EMX1: variants seen among roughly 807,000 people sequenced by gnomAD.
EMX1 encodes homeobox protein EMX1.
EMX1 carries 10 observed loss-of-function variants against 20.1 expected under a neutral mutation model. The observed-to-expected ratio is 0.50, with a 90% CI of 0.31 to 0.84. EMX1 has a LOEUF of 0.84. EMX1 is among the 40% of genes least tolerant of loss of function. The pLI is 0.05. For missense variants in EMX1, 424 were observed against 431.9 expected (o/e 0.98, Z 0.16); for synonymous variants, 250 against 200.4 (o/e 1.25, Z -2.09).
intron 2 of EMX1, chr2:72,925,773 C>G: frequency 1.0e-6 from 1 of 985,368 alleles, no homozygotes; most frequent in Non-Finnish European, 1.2e-6. Context: ...CGGACCTTAC[C>G]CTCTCCTCCT....
Position 72,928,478 on chromosome 2 carries a change from A to T in EMX1, c.705+3985A>T, listed in dbSNP as rs889159454. On this transcript the variant is annotated intron_variant, in intron 2 of 2. Coordinates refer to ENST00000258106, the MANE Select transcript of EMX1 (RefSeq NM_004097.3). The stretch of plus-strand genomic sequence containing the variant: ...TCATATGACATGGAGTGCAGCTTGC[A>T]TGCTTTTGTGTGTGTTCGTGTGTGT... Among the ~76,000 whole-genome samples, 16 of 152,114 alleles carry T rather than the reference A, an allele frequency of 1.1e-4. 1 individual carries two copies. Among genetic ancestry groups the T allele is most frequent in the Admixed American group, 3.9e-4 (6 of 15,272 alleles).
At position 72,918,327 on chromosome 2, in the gene EMX1, T is replaced by C. The variant is rs781570857; in HGVS notation, c.475T>C (p.Tyr159His). ...CCAGCACCGGGACCCTCTCCATTTC[T>C]ACCCCTGGGTCCTGCGGAACCGCTT... ...GAQHRDPLHF[Y>H]PWVLRNRFFG... The change falls in exon 1 of 3, where the codon TAC becomes CAC. Residue 159 changes from tyrosine to histidine, a missense_variant. Transcript: ENST00000258106. 2.6e-6 allele frequency: 4 copies of C among 1,550,602 alleles called. No individual in the cohort carries two copies. Among genetic ancestry groups the C allele is most frequent in the Non-Finnish European group, 2.6e-6 (3 of 1,159,972 alleles).
Position 72,917,562 on chromosome 2 carries a change from A to C in EMX1, c.-291A>C. The C allele has an allele frequency of 5.1e-6, 1 of 195,438 alleles. No homozygotes were observed. Among genetic ancestry groups the C allele is most frequent in the Non-Finnish European group, 1.0e-5 (1 of 97,436 alleles). 12.1% of individuals were successfully genotyped at this position (195,438 alleles called of 1,614,324 possible). A position where few individuals can be genotyped will look rare whatever the true frequency, so the allele number is the denominator to read the frequency against. On this transcript the variant is annotated 5_prime_UTR_variant, in exon 1 of 3. Coordinates refer to ENST00000258106, the MANE Select transcript of EMX1 (RefSeq NM_004097.3). ...CTGGGCGGCCGGGGCTGGGCAGGGC[A>C]GTGCGGGGACACCGGGGGCTGGGGT...
chr2:72,922,258 A>G (rs984474174), intron 1 of EMX1, among the ~76,000 whole-genome samples: 3 of 152,236 alleles, frequency 2.0e-5, no homozygotes, highest in African/African-American at 7.2e-5. Context: ...TATTAACATT[A>G]ACAAGAAGCA....
intron 1 of EMX1, among the ~76,000 whole-genome samples, chr2:72,922,528 A>G (rs1343866122): frequency 6.6e-6 from 1 of 152,210 alleles, no homozygotes; most frequent in Non-Finnish European, 1.5e-5. Flanking sequence ...ATGTGGTCCC[A>G]CCATTTTTGT....
Position 72,924,463 on chromosome 2 carries a change from G to A in EMX1, c.675G>A (p.Leu225=). 3.1e-6 allele frequency: 5 copies of A among 1,595,560 alleles called. No individual in the cohort carries two copies. The highest frequency in any genetic ancestry group is 4.3e-6 in the Non-Finnish European group (5 of 1,175,752). The change falls in exon 2 of 3, where the codon CTG becomes CTA. Residue 225 remains leucine, a synonymous_variant. Coordinates refer to ENST00000258106, the MANE Select transcript of EMX1 (RefSeq NM_004097.3). ...TGGTGGGCGCCGAGCGGAAGCAGCT[G>A]GCCGGCAGTCTCAGCCTCTCCGAGA... ...HYVVGAERKQ[L]AGSLSLSETQ... is the part of the protein sequence containing the mutation.
intron 2 of EMX1, 161 bp from the exon 3 acceptor site, chr2:72,933,626 T>C (rs1035050418): frequency 9.4e-6 from 7 of 745,470 alleles, no homozygotes; most frequent in East Asian, 5.4e-5. Flanking sequence ...GTTAGACCCA[T>C]GGGAGCAGCT....
chr2:72,918,058 T>TGGC lies in EMX1; in HGVS notation c.213_215dup (p.Ala73dup). On this transcript the variant is annotated inframe_insertion, in exon 1 of 3. Coordinates refer to ENST00000258106, the MANE Select transcript of EMX1 (RefSeq NM_004097.3). ...GGCGGGGGCGCGGGCTCCCATCTCCTGGCGGCGGCCGCCTCCGAGGAACCG... is the reference window on the plus strand; with the variant it reads ...GGCGGGGGCGCGGGCTCCCATCTCCTGGCGGCGGCGGCCGCCTCCGAGGAACCG... 1 of 1,415,208 alleles carries TGGC rather than the reference T, an allele frequency of 7.1e-7. No homozygotes were observed. Among genetic ancestry groups the TGGC allele is most frequent in the Non-Finnish European group, 9.1e-7 (1 of 1,094,404 alleles). 87.7% of individuals were successfully genotyped at this position (1,415,208 alleles called of 1,614,324 possible).
intron 1 of EMX1, among the ~76,000 whole-genome samples, 167 bp downstream of exon 1, chr2:72,918,539 G>C (rs1013897176): frequency 6.6e-6 from 1 of 152,252 alleles, no homozygotes; most frequent in Non-Finnish European, 1.5e-5. Context: ...GCATCCACCC[G>C]CGCCTTCGCC....
At chr2:72,932,565 G>T in intron 2 of EMX1, among the ~76,000 whole-genome samples, 1 of 152,182 alleles carries the variant, frequency 6.6e-6, no homozygotes, top group Middle Eastern at 3.2e-3. Context: ...CAAGCACTAA[G>T]TCCAGTCCAG....
upstream of EMX1, chr2:72,917,209 G>A (rs1009665212): frequency 1.0e-5 from 6 of 602,070 alleles, no homozygotes; most frequent in African/African-American, 1.9e-5. Context: ...GGGAGAGTTA[G>A]GCTGAGCTAC....
At chr2:72,919,824 G>A (rs747809076) in intron 1 of EMX1, among the ~76,000 whole-genome samples, 3 of 152,240 alleles carry the variant, frequency 2.0e-5, no homozygotes, top group Non-Finnish European at 2.9e-5. Flanking sequence ...TTGGGCAAGA[G>A]TTTCTGCCAC....
intron 2 of EMX1, among the ~76,000 whole-genome samples, chr2:72,924,854 G>T (rs964111579): frequency 6.6e-6 from 1 of 152,242 alleles, no homozygotes; most frequent in Admixed American, 6.5e-5. Context: ...ACTGGAGCTG[G>T]CTCCAGCCCT....
intron 2 of EMX1, chr2:72,925,559 C>T (rs1261799153): frequency 7.8e-7 from 1 of 1,287,428 alleles, no homozygotes; most frequent in East Asian, 5.6e-5. Context: ...CGCGGTCTCC[C>T]AGCTACCTCC....
intron 2 of EMX1, among the ~76,000 whole-genome samples, chr2:72,931,506 C>T (rs1003251175): frequency 2.0e-5 from 3 of 152,128 alleles, no homozygotes; most frequent in African/African-American, 2.4e-5. Context: ...TGAGCTCACC[C>T]GCCCACTGAC....
Position 72,918,025 on chromosome 2 carries a change from G to T in EMX1, c.173G>T (p.Gly58Val). The change falls in exon 1 of 3, where the codon GGC becomes GTC. Residue 58 changes from glycine (G) to valine (V), a missense_variant. By Grantham distance (109) the Gly-to-Val change is moderately radical. Coordinates refer to ENST00000258106, the MANE Select transcript of EMX1 (RefSeq NM_004097.3). ...GCCAAGGACGGCGGCACCGGCGGGG[G>T]CACTGGCGGCGGGGGCGCGGGCTCC... ...LVAKDGGTGG[G>V]TGGGGAGSHL... 7.0e-7 allele frequency: 1 copy of T among 1,427,632 alleles called. No individual in the cohort carries two copies. Among genetic ancestry groups the T allele is most frequent in the Non-Finnish European group, 9.1e-7 (1 of 1,099,896 alleles). 88.4% of individuals were successfully genotyped at this position (1,427,632 alleles called of 1,614,324 possible). A position where few individuals can be genotyped will look rare whatever the true frequency, so the allele number is the denominator to read the frequency against.
At chr2:72,917,146 C>T (rs1448007734), upstream of EMX1, 5 of 613,048 alleles carry the variant, frequency 8.2e-6, no homozygotes, top group East Asian at 2.8e-5. Context: ...AAACATCCAC[C>T]CTCCGCTCGG....
chr2:72,921,601 G>T (rs1321449254), intron 1 of EMX1, among the ~76,000 whole-genome samples: 3 of 152,150 alleles, frequency 2.0e-5, no homozygotes, highest in Non-Finnish European at 4.4e-5. Flanking sequence ...TTTCTAACAG[G>T]GAAACGTCCT....
intron 2 of EMX1, among the ~76,000 whole-genome samples, chr2:72,931,318 TC>T: frequency 6.6e-6 from 1 of 152,302 alleles, no homozygotes; most frequent in South Asian, 2.1e-4. Context: ...TGACCGTCAG[TC>T]TCCTTCCTGA....
Sources: gnomAD v4.1 joint callset for allele counts (sites outside exome capture counted in the v4.1 genomes callset) on GRCh38, gnomAD v4.1.1 for gene constraint, MANE v1.5 for transcripts, NCBI Gene and HGNC (gene_info 2026-07-23, HGNC 2026-07-21) for gene names.